LIG1: variants seen among roughly 807,000 people sequenced by gnomAD.
LIG1 encodes ligase I, DNA, ATP-dependent.
In LIG1, 70 loss-of-function variants were observed where a neutral mutation model predicts 115.7. That is an observed-to-expected ratio of 0.60 (90% confidence interval 0.50 to 0.74). The LOEUF is 0.74. Ranked by LOEUF, LIG1 falls within the 30% of genes least tolerant of loss-of-function variation. The pLI is 0.00. For missense variants in LIG1, 1,115 were observed against 1,225.6 expected, an observed-to-expected ratio of 0.91 and a Z score of 1.35; for synonymous variants, 487 against 495.3, an observed-to-expected ratio of 0.98 and a Z score of 0.22.
intron 9 of LIG1, among the ~76,000 whole-genome samples, chr19:48,148,892 G>C (rs1341423354): frequency 1.3e-5 from 2 of 152,174 alleles, no homozygotes; most frequent in African/African-American, 4.8e-5. Context: ...CGAGGGCTGG[G>C]GCAGGGCGGC....
chr19:48,131,095 A>G lies in LIG1; in HGVS notation c.1802T>C (p.Ile601Thr). Residue 601 changes from isoleucine to threonine, a missense_variant, in exon 19 of 28, where the codon ATC (isoleucine) becomes ACC (threonine). Transcript: ENST00000263274. ...GCCCACCTTGGGGATGCGGCTGATG[A>G]TGTCCGGGTACTTCCCAGTGTTGTC... The part of the protein sequence containing the change: ...QEDNTGKYPD[I>T]ISRIPKIKLP... The G allele has an allele frequency of 6.2e-7, 1 of 1,614,064 alleles. No individual in the cohort carries two copies. Among genetic ancestry groups the G allele is most frequent in the Non-Finnish European group, 8.5e-7 (1 of 1,179,948 alleles).
chr19:48,117,613 C>T (rs756161943), intron 26 of LIG1, 25 bp downstream of exon 26: 1 of 1,610,018 alleles, frequency 6.2e-7, no homozygotes, highest in Admixed American at 1.7e-5. Context: ...CACACAGGGC[C>T]ACGGCCAGGT....
At position 48,127,915 on chromosome 19, in the gene LIG1, G is replaced by A. The variant is rs757601186; in HGVS notation, c.1927C>T (p.Arg643Cys). 8.7e-6 allele frequency: 14 copies of A among 1,613,578 alleles called. No homozygotes were observed. Among genetic ancestry groups the A allele is most frequent in the Admixed American group, 5.0e-5 (3 of 60,008 alleles). ...AGTGGAGCGGGTGATGCTACCTTGC[G>A]TTTGCGGGTGGTGAGCACTTGGAAT... ...QPFQVLTTRK[R>C]KEVDASEIQV... The change falls in exon 20 of 28, where the codon CGC (arginine) becomes TGC (cysteine). Residue 643 changes from arginine to cysteine, a missense_variant. Transcript: ENST00000263274.
chr19:48,157,263 G>T, intron 4 of LIG1, 123 bp from the exon 5 acceptor site: 1 of 1,112,920 alleles, frequency 9.0e-7, no homozygotes, highest in Non-Finnish European at 1.2e-6. Flanking sequence ...TATGGTCTCA[G>T]CCCTAACTCA....
chr19:48,152,075 A>G (rs890818117), intron 6 of LIG1, among the ~76,000 whole-genome samples: 1 of 152,226 alleles, frequency 6.6e-6, no homozygotes, highest in African/African-American at 2.4e-5. Context: ...GACAGTGGCT[A>G]AAAGTGTAGT....
intron 5 of LIG1, among the ~76,000 whole-genome samples, chr19:48,155,995 C>T (rs1352945526): frequency 6.6e-6 from 1 of 152,188 alleles, no homozygotes; most frequent in Non-Finnish European, 1.5e-5. Flanking sequence ...CTAGACCGGA[C>T]GGCAAGGGCT....
At chr19:48,128,730 G>C (rs988261899) in intron 19 of LIG1, among the ~76,000 whole-genome samples, 1 of 152,140 alleles carries the variant, frequency 6.6e-6, no homozygotes, top group African/African-American at 2.4e-5. Context: ...TTGTATCCTG[G>C]AGCCAGGTAG....
chr19:48,164,247 T>C (rs1027652578), intron 2 of LIG1, among the ~76,000 whole-genome samples: 1 of 151,994 alleles, frequency 6.6e-6, no homozygotes, highest in Non-Finnish European at 1.5e-5. Context: ...CAGAAAGCAA[T>C]CGAAGGCACC....
In LIG1 at chr19:48,149,836, G is replaced by A. The variant is rs55686525; in HGVS notation, c.703C>T (p.Arg235Trp). Reference protein sequence around the residue: ...PKTLSSFFTPRKPAVKKEVKE... With the variant: ...PKTLSSFFTPWKPAVKKEVKE... ...ACTTCTTTTTTGACTGCTGGCTTCC[G>A]GGGGGCTAGGAATGAAGACAGAAAA... The change falls in exon 9 of 28, where the codon CGG becomes TGG. Residue 235 changes from arginine to tryptophan, a missense_variant. Arg to Trp is a moderately radical substitution (Grantham distance 101). Coordinates refer to ENST00000263274, the MANE Select transcript of LIG1 (RefSeq NM_000234.3). 302 of 1,613,324 alleles carry A rather than the reference G, an allele frequency of 1.9e-4. 2 individuals are homozygous for A. In the East Asian group the frequency reaches 3.2e-3, roughly 17 times the overall value.
At chr19:48,119,003 C>T in intron 25 of LIG1, 134 bp downstream of exon 25, 2 of 709,542 alleles carry the variant, frequency 2.8e-6, no homozygotes, top group Non-Finnish European at 4.9e-6. Flanking sequence ...AAAGCCAGCT[C>T]CACTGCCTGC....
At chr19:48,149,712 G>A (rs1205066212) in intron 9 of LIG1, 51 bp downstream of exon 9, 1 of 1,458,244 alleles carries the variant, frequency 6.9e-7, no homozygotes, top group Non-Finnish European at 9.6e-7. Flanking sequence ...TCGGAATGCA[G>A]AGAAGGGAAC....
chr19:48,157,742 TCAC>T (rs1165206895), intron 4 of LIG1, among the ~76,000 whole-genome samples: 2 of 152,116 alleles, frequency 1.3e-5, no homozygotes, highest in African/African-American at 4.8e-5. Context: ...AGATGGGGCT[TCAC>T]CACGTTGGCC....
rs1356840734 is a variant in LIG1, at chr19:48,122,512, G to GA, written c.2232+421dup. The GA allele has an allele frequency of 6.2e-6, 2 of 320,778 alleles. No homozygotes were observed. Among genetic ancestry groups the GA allele is most frequent in the African/African-American group, 4.3e-5 (2 of 46,550 alleles). 19.9% of individuals were successfully genotyped at this position (320,778 alleles called of 1,614,324 possible). A position where few individuals can be genotyped will look rare whatever the true frequency, so the allele number is the denominator to read the frequency against. ...CCTAGTGCTCTGTCCCTCACTTTGG[G>GA]AAAGACTCTTCCTGATCATCCGGGG... On this transcript the variant is annotated intron_variant, in intron 23 of 27. Coordinates refer to ENST00000263274, the MANE Select transcript of LIG1 (RefSeq NM_000234.3). This position sits in a 1 kb window ranked among gnomAD's most constrained non-coding sequence, Gnocchi z 4.3.
chr19:48,160,421 A>C (rs1331688737), intron 4 of LIG1, among the ~76,000 whole-genome samples: 1 of 152,132 alleles, frequency 6.6e-6, no homozygotes, highest in Non-Finnish European at 1.5e-5. Flanking sequence ...GAGCGAGCTG[A>C]GGAGGAGCTG....
chr19:48,122,509 T>C lies in LIG1; in HGVS notation c.2232+425A>G. The C allele has an allele frequency of 3.2e-6, 1 of 317,292 alleles. No individual in the cohort carries two copies. The highest frequency in any genetic ancestry group is 6.2e-6 in the Non-Finnish European group (1 of 161,140). The allele number at this position is 317,292 out of a possible 1,614,324, so 19.7% of individuals were successfully genotyped here. On this transcript the variant is annotated intron_variant, in intron 23 of 27. Transcript: ENST00000263274. This position sits in a 1 kb window ranked among gnomAD's most constrained non-coding sequence, Gnocchi z 4.3. ...CTCCCTAGTGCTCTGTCCCTCACTT[T>C]GGGAAAGACTCTTCCTGATCATCCG...
intron 1 of LIG1, among the ~76,000 whole-genome samples, chr19:48,167,684 G>A (rs2036552227): frequency 6.6e-6 from 1 of 151,990 alleles, no homozygotes; most frequent in African/African-American, 2.4e-5. Context: ...AAATTAGCCA[G>A]GCATGGTGGT....
chr19:48,154,880 C>T (rs1038928777), intron 5 of LIG1, among the ~76,000 whole-genome samples: 1 of 152,152 alleles, frequency 6.6e-6, no homozygotes, highest in African/African-American at 2.4e-5. Flanking sequence ...AGGATAAAGT[C>T]TTTTGATGTC....
intron 19 of LIG1, among the ~76,000 whole-genome samples, chr19:48,130,157 G>A (rs532209949): frequency 1.3e-5 from 2 of 152,342 alleles, no homozygotes; most frequent in African/African-American, 2.4e-5. Context: ...AAACAGCATA[G>A]TGCACACTGA....
At chr19:48,149,983 A>C in intron 8 of LIG1, 105 bp downstream of exon 8, 1 of 1,587,102 alleles carries the variant, frequency 6.3e-7, no homozygotes, top group Admixed American at 1.7e-5. Flanking sequence ...TCCAACCAGC[A>C]GGAAAGGAAG....
Sources: gnomAD v4.1 joint callset for allele counts (sites outside exome capture counted in the v4.1 genomes callset) on GRCh38, gnomAD v4.1.1 for gene constraint, Gnocchi (gnomAD v3.1) non-coding constraint, MANE v1.5 for transcripts, NCBI Gene and HGNC (gene_info 2026-07-23, HGNC 2026-07-21) for gene names.